CDKAL1: variants seen among roughly 807,000 people sequenced by gnomAD.
CDKAL1 encodes the protein CDKAL1 threonylcarbamoyladenosine tRNA methylthiotransferase.
In CDKAL1, 32 loss-of-function variants were observed where a neutral mutation model predicts 68.2. The observed-to-expected ratio is 0.47, with a 90% CI of 0.35 to 0.63. The LOEUF is 0.63. CDKAL1 is among the 30% of genes least tolerant of loss of function. CDKAL1 has a pLI of 0.00. For missense variants in CDKAL1, 606 were observed against 696.7 expected (o/e 0.87, Z 1.47); for synonymous variants, 234 against 244.3 (o/e 0.96, Z 0.39).
chr6:20,608,525 G>A (rs1360333085), intron 4 of CDKAL1, among the ~76,000 whole-genome samples: 7 of 152,182 alleles, frequency 4.6e-5, no homozygotes, highest in Admixed American at 4.6e-4. Flanking sequence ...TTAGTCATGA[G>A]TTGTATTCAG....
At chr6:20,707,298 A>G (rs535253526) in intron 5 of CDKAL1, among the ~76,000 whole-genome samples, 1 of 152,320 alleles carries the variant, frequency 6.6e-6, no homozygotes, top group East Asian at 1.9e-4. Context: ...GTTAGTTGCA[A>G]ACCATTAATC....
chr6:21,071,124 T>C (rs1467684094), intron 12 of CDKAL1, among the ~76,000 whole-genome samples: 1 of 152,236 alleles, frequency 6.6e-6, no homozygotes, highest in Non-Finnish European at 1.5e-5. Context: ...AATTAAATTA[T>C]TCATATTTTC....
intron 4 of CDKAL1, among the ~76,000 whole-genome samples, chr6:20,554,683 G>A (rs1763967475): frequency 6.6e-6 from 1 of 152,142 alleles, no homozygotes. Flanking sequence ...ATTTTGTTAA[G>A]GAATTCGTAA....
chr6:20,623,792 G>T (rs534748291), intron 4 of CDKAL1, among the ~76,000 whole-genome samples: 1 of 151,966 alleles, frequency 6.6e-6, no homozygotes, highest in Non-Finnish European at 1.5e-5. Flanking sequence ...GCAGAGTCTG[G>T]AGCCAGACTG....
chr6:20,747,859 G>T (rs1773727994), intron 6 of CDKAL1, among the ~76,000 whole-genome samples: 1 of 152,054 alleles, frequency 6.6e-6, no homozygotes, highest in Non-Finnish European at 1.5e-5. Flanking sequence ...GTTTATTTTT[G>T]CTTTTTGTTG....
At chr6:21,075,936 G>A (rs2150950206) in intron 12 of CDKAL1, among the ~76,000 whole-genome samples, 1 of 152,212 alleles carries the variant, frequency 6.6e-6, no homozygotes, top group East Asian at 1.9e-4. Flanking sequence ...AAGAGTGGCT[G>A]TTAGAATGTT....
intron 10 of CDKAL1, among the ~76,000 whole-genome samples, chr6:20,983,122 G>A (rs1766245452): frequency 6.6e-6 from 1 of 152,110 alleles, no homozygotes; most frequent in Admixed American, 6.5e-5. Context: ...TTTACCAAGT[G>A]AAAACAATTT....
At chr6:21,061,546 C>T (rs1771139838) in intron 11 of CDKAL1, among the ~76,000 whole-genome samples, 1 of 152,020 alleles carries the variant, frequency 6.6e-6, no homozygotes, top group African/African-American at 2.4e-5. Flanking sequence ...CCAGAATTAG[C>T]ATCTTAAATA....
intron 6 of CDKAL1, among the ~76,000 whole-genome samples, chr6:20,746,982 AC>A (rs1381474367): frequency 6.6e-6 from 1 of 152,016 alleles, no homozygotes; most frequent in African/African-American, 2.4e-5. Flanking sequence ...CCTTTGATCT[AC>A]TTCACATTTT....
At chr6:21,169,199 TACAC>T (rs2151072786) in intron 13 of CDKAL1, among the ~76,000 whole-genome samples, 1 of 152,248 alleles carries the variant, frequency 6.6e-6, no homozygotes, top group Non-Finnish European at 1.5e-5. Flanking sequence ...TGGTGATAAA[TACAC>T]ACGAGCAGAT....
chr6:20,618,740 G>A lies in CDKAL1; in HGVS notation c.287-30553G>A, dbSNP rs570958626. Among the ~76,000 whole-genome samples the A allele has an allele frequency of 2.6e-5, 4 of 151,758 alleles. No individual in the cohort carries two copies. The South Asian group carries it at 6.2e-4, about 24-fold the overall frequency. ...GTCACCCAGGCTGGAGTGTAGTGGC[G>A]CAGTCTTGGCTCACTCTAGCCTCGA... On this transcript the variant is annotated intron_variant, in intron 4 of 15. Coordinates refer to ENST00000274695, the MANE Select transcript of CDKAL1 (RefSeq NM_017774.3).
At chr6:21,173,098 G>A (rs1421111565) in intron 13 of CDKAL1, among the ~76,000 whole-genome samples, 1 of 145,230 alleles carries the variant, frequency 6.9e-6, no homozygotes, top group Non-Finnish European at 1.5e-5. Context: ...GTTTTTGTGA[G>A]GTTTTTCCTC....
chr6:20,784,027 A>G (rs1775547893), intron 8 of CDKAL1, among the ~76,000 whole-genome samples: 1 of 152,104 alleles, frequency 6.6e-6, no homozygotes, highest in African/African-American at 2.4e-5. Flanking sequence ...ATCCTGGCCA[A>G]CAAGGTGAAA....
At chr6:21,084,372 T>G (rs1180077906) in intron 12 of CDKAL1, among the ~76,000 whole-genome samples, 1 of 152,230 alleles carries the variant, frequency 6.6e-6, no homozygotes, top group African/African-American at 2.4e-5. Flanking sequence ...TTTATTTACT[T>G]GGCAGATAAT....
chr6:20,812,790 T>C (rs1776877457), intron 8 of CDKAL1, among the ~76,000 whole-genome samples: 1 of 152,184 alleles, frequency 6.6e-6, no homozygotes, highest in Non-Finnish European at 1.5e-5. Flanking sequence ...CGTTTACCTG[T>C]TGATAGATAC....
chr6:20,596,406 C>A (rs901480601), intron 4 of CDKAL1, among the ~76,000 whole-genome samples: 1 of 152,208 alleles, frequency 6.6e-6, no homozygotes, highest in African/African-American at 2.4e-5. Flanking sequence ...AGCGGCTTTG[C>A]CGAGCTGTGG....
chr6:20,908,032 T>C (rs958571122), intron 9 of CDKAL1, among the ~76,000 whole-genome samples: 2 of 152,148 alleles, frequency 1.3e-5, no homozygotes. Flanking sequence ...AGCTTCACTT[T>C]TGCTCCAAAA....
At chr6:21,116,610 G>A (rs1774425769) in intron 13 of CDKAL1, among the ~76,000 whole-genome samples, 1 of 152,076 alleles carries the variant, frequency 6.6e-6, no homozygotes, top group East Asian at 1.9e-4. Context: ...TCACAGTGCA[G>A]AGATTGGAAA....
intron 10 of CDKAL1, 51 bp from the exon 11 acceptor site, chr6:21,000,176 A>G (rs371312858): frequency 6.8e-5 from 102 of 1,493,354 alleles, no homozygotes; most frequent in Non-Finnish European, 9.1e-5. Context: ...GAGGAAAACC[A>G]TTCCACAATT....
Sources: allele counts gnomAD v4.1 joint callset (sites outside exome capture counted in the v4.1 genomes callset), GRCh38; gene constraint gnomAD v4.1.1; transcripts MANE v1.5; gene names NCBI Gene and HGNC (gene_info 2026-07-23, HGNC 2026-07-21).